Variants in CADPS observed in about 807,000 individuals in gnomAD.
CADPS encodes the protein calcium dependent secretion activator, also known as calcium-dependent secretion activator 1.
CADPS carries 57 observed loss-of-function variants against 167.3 expected under a neutral mutation model. The observed-to-expected ratio is 0.34, with a 90% CI of 0.28 to 0.42. The LOEUF is 0.42. Ranked by LOEUF, CADPS falls within the 20% of genes least tolerant of loss-of-function variation. The pLI is 1.00. For synonymous variants in CADPS, 676 were observed against 635.3 expected, an observed-to-expected ratio of 1.06 and a Z score of -0.96; for missense variants, 1,414 against 1,738.1, an observed-to-expected ratio of 0.81 and a Z score of 3.32.
intron 3 of CADPS, among the ~76,000 whole-genome samples, chr3:62,685,460 A>T (rs1210791041): frequency 6.6e-6 from 1 of 151,972 alleles, no homozygotes; most frequent in Non-Finnish European, 1.5e-5. Flanking sequence ...AGAGAGAGGG[A>T]CCTTAAAAAC....
chr3:62,702,111 T>C (rs945188703), intron 3 of CADPS, among the ~76,000 whole-genome samples: 109 of 152,216 alleles, frequency 7.2e-4, no homozygotes, highest in Non-Finnish European at 2.5e-4. Context: ...TTTTCCCCTC[T>C]AGTCTGCTTT....
intron 6 of CADPS, among the ~76,000 whole-genome samples, chr3:62,635,560 G>A (rs1436545670): frequency 6.6e-6 from 1 of 151,786 alleles, no homozygotes; most frequent in Non-Finnish European, 1.5e-5. Context: ...GTGTGTGTAT[G>A]TATTTTATTC....
intron 6 of CADPS, among the ~76,000 whole-genome samples, chr3:62,596,448 T>A (rs2058960252): frequency 6.6e-6 from 1 of 152,084 alleles, no homozygotes; most frequent in Non-Finnish European, 1.5e-5. Context: ...TCCACCCACC[T>A]TGGCCTCCCA....
chr3:62,601,511 G>A lies in CADPS; in HGVS notation c.1326-8763C>T, dbSNP rs564341894. 7.9e-5 allele frequency among the ~76,000 whole-genome samples: 12 copies of A among 152,224 alleles called. No individual in the cohort carries two copies. Among genetic ancestry groups the A allele is most frequent in the East Asian group, 1.9e-4 (1 of 5,172 alleles). On this transcript the variant is annotated intron_variant, in intron 6 of 29. Coordinates refer to ENST00000383710, the MANE Select transcript of CADPS (RefSeq NM_003716.4). This position sits in a 1 kb window ranked among gnomAD's most constrained non-coding sequence, Gnocchi z 4.3. ...CTCATCTGGGCATACCCACAAAGAC[G>A]AACTATAAACATGCACTCACAAAGA...
At chr3:62,583,808 C>G (rs143783583) in intron 8 of CADPS, among the ~76,000 whole-genome samples, 1 of 152,074 alleles carries the variant, frequency 6.6e-6, no homozygotes, top group Non-Finnish European at 1.5e-5. Context: ...TCTGAGGCAC[C>G]ATGGCTAGGC....
intron 1 of CADPS, among the ~76,000 whole-genome samples, chr3:62,866,442 T>A (rs13323017): frequency 0.029 from 4,437 of 152,022 alleles, 136 homozygotes; most frequent in African/African-American, 0.074. Context: ...TTTTGGGAGA[T>A]GGGAATCTTA....
At chr3:62,865,773 T>C (rs753729252) in intron 1 of CADPS, among the ~76,000 whole-genome samples, 6 of 152,152 alleles carry the variant, frequency 3.9e-5, no homozygotes, top group Non-Finnish European at 7.4e-5. Flanking sequence ...AGTAGCTCTG[T>C]AGTTATTATT....
rs1169012252 is a variant in CADPS, at chr3:62,657,603, T to C, written c.969+4711A>G. Reference sequence around the variant, plus strand: ...TGAGCAGGGATTACCAAGTCTTTTCTACCAGATTTTAAAAAATGCATTCAT... The same window carrying C: ...TGAGCAGGGATTACCAAGTCTTTTCCACCAGATTTTAAAAAATGCATTCAT... On this transcript the variant is annotated intron_variant, in intron 4 of 29. Coordinates refer to ENST00000383710, the MANE Select transcript of CADPS (RefSeq NM_003716.4). Among the ~76,000 whole-genome samples, 5 of 152,228 alleles carry C rather than the reference T, an allele frequency of 3.3e-5. No homozygotes were observed. In the South Asian group the frequency reaches 6.2e-4, roughly 19 times the overall value.
intron 1 of CADPS, among the ~76,000 whole-genome samples, chr3:62,818,803 C>T (rs1366436347): frequency 1.3e-5 from 2 of 152,168 alleles, no homozygotes; most frequent in Non-Finnish European, 2.9e-5. Flanking sequence ...AGAATAGATA[C>T]GTAAATTGTG....
At chr3:62,806,726 C>G (rs920343618) in intron 1 of CADPS, among the ~76,000 whole-genome samples, 4 of 152,012 alleles carry the variant, frequency 2.6e-5, no homozygotes, top group African/African-American at 4.8e-5. Context: ...TAGAGTTTAA[C>G]TAATATTAAC....
chr3:62,502,537 T>A (rs1164470571), intron 17 of CADPS, among the ~76,000 whole-genome samples: 1 of 152,244 alleles, frequency 6.6e-6, no homozygotes, highest in Non-Finnish European at 1.5e-5. Context: ...ATGTTGCATA[T>A]GTCAGACATA....
intron 26 of CADPS, among the ~76,000 whole-genome samples, chr3:62,449,008 G>A (rs1363005391): frequency 6.6e-6 from 1 of 152,224 alleles, no homozygotes; most frequent in Non-Finnish European, 1.5e-5. Context: ...AAGGCATCTT[G>A]CCTAGAAAAA....
intron 1 of CADPS, among the ~76,000 whole-genome samples, chr3:62,791,253 A>G (rs767241555): frequency 6.6e-6 from 1 of 152,216 alleles, no homozygotes; most frequent in Non-Finnish European, 1.5e-5. Context: ...ACTGTACAAT[A>G]TGGTAGACAA....
chr3:62,862,031 G>T (rs975653071), intron 1 of CADPS, among the ~76,000 whole-genome samples: 11 of 151,590 alleles, frequency 7.3e-5, no homozygotes, highest in African/African-American at 2.4e-4. Flanking sequence ...GAGACATAGG[G>T]ACTGGAGCCT....
chr3:62,409,862 T>A (rs543972015), intron 28 of CADPS, among the ~76,000 whole-genome samples: 1 of 152,210 alleles, frequency 6.6e-6, no homozygotes, highest in Admixed American at 6.5e-5. Flanking sequence ...AACTGTCTCA[T>A]GTGAAATTAA....
At chr3:62,818,718 G>A (rs908603072) in intron 1 of CADPS, among the ~76,000 whole-genome samples, 32 of 152,252 alleles carry the variant, frequency 2.1e-4, no homozygotes, top group East Asian at 7.7e-4. Flanking sequence ...ACAGAAAAAC[G>A]TATATGAGAA....
At chr3:62,715,316 T>C (rs901029218) in intron 3 of CADPS, among the ~76,000 whole-genome samples, 2 of 151,978 alleles carry the variant, frequency 1.3e-5, no homozygotes, top group African/African-American at 4.8e-5. Flanking sequence ...TAATTTTATA[T>C]TTCCGGTAGA....
chr3:62,798,290 A>G lies in CADPS; in HGVS notation c.442-32306T>C, dbSNP rs138038235. Reference sequence around the variant, plus strand: ...ATCTAATCAGCTGCCAGTGTGGCTAAGATAAAGCAGGCAGAAGAACGTGGA... The same window carrying G: ...ATCTAATCAGCTGCCAGTGTGGCTAGGATAAAGCAGGCAGAAGAACGTGGA... On this transcript the variant is annotated intron_variant, in intron 1 of 29. Coordinates refer to ENST00000383710, the MANE Select transcript of CADPS (RefSeq NM_003716.4). Among the ~76,000 whole-genome samples the G allele has an allele frequency of 9.7e-3, 1,477 of 152,258 alleles. 23 individuals carry two copies. The highest frequency in any genetic ancestry group is 0.033 in the African/African-American group (1,376 of 41,544).
chr3:62,852,188 C>G (rs1019698613), intron 1 of CADPS, among the ~76,000 whole-genome samples: 9 of 150,238 alleles, frequency 6.0e-5, no homozygotes, highest in Non-Finnish European at 1.3e-4. Flanking sequence ...AAATTTTTTT[C>G]AAAGTTTTCA....
Sources: allele counts gnomAD v4.1 joint callset (sites outside exome capture counted in the v4.1 genomes callset), GRCh38; gene constraint gnomAD v4.1.1; non-coding constraint Gnocchi (gnomAD v3.1); transcripts MANE v1.5; gene names NCBI Gene and HGNC (gene_info 2026-07-23, HGNC 2026-07-21).